The following ATXN7 variants were observed in gnomAD, a reference collection of about 807,000 sequenced individuals.
The protein encoded by ATXN7 is ataxin 7.
Under a neutral mutation model 70.5 loss-of-function variants are expected in ATXN7, and 12 were observed. The observed-to-expected ratio is 0.17, with a 90% CI of 0.11 to 0.28. The LOEUF is 0.28. Among genes scored for constraint, ATXN7 ranks in the 10% least tolerant of loss-of-function variants. The pLI, the probability that ATXN7 is intolerant of heterozygous loss-of-function variation, is 1.00. For missense variants in ATXN7, 1,256 were observed against 1,131.7 expected (o/e 1.11, Z -1.58); for synonymous variants, 498 against 448.7 (o/e 1.11, Z -1.39).
chr3:63,887,161 C>G (rs936980255), intron 1 of ATXN7, among the ~76,000 whole-genome samples: 1 of 152,054 alleles, frequency 6.6e-6, no homozygotes, highest in Non-Finnish European at 1.5e-5. Context: ...GTATTGAGCC[C>G]GTTAGGTGTG....
At chr3:63,939,120 G>A (rs1192866312) in intron 4 of ATXN7, among the ~76,000 whole-genome samples, 2 of 151,932 alleles carry the variant, frequency 1.3e-5, no homozygotes, top group African/African-American at 2.4e-5. Context: ...CTGTCTCAGA[G>A]GCCCTTAGAA....
At position 63,948,086 on chromosome 3, in the gene ATXN7, T is replaced by G. The variant is rs1056605221; in HGVS notation, c.395-4293T>G. ...TTTTAAAGAATCACTCTGGCAGCCT[T>G]GTGGAAAGGTTTGTAGACTACTTAG... On this transcript the variant is annotated intron_variant, in intron 4 of 12. Transcript: ENST00000674280. Among the ~76,000 whole-genome samples, 4 of 152,032 alleles carry G rather than the reference T, an allele frequency of 2.6e-5. No individual in the cohort carries two copies. The East Asian group carries it at 7.7e-4, about 29-fold the overall frequency.
intron 1 of ATXN7, chr3:63,865,494 G>A (rs1702385066): frequency 6.6e-6 from 1 of 152,134 alleles, no homozygotes; most frequent in African/African-American, 2.4e-5. Flanking sequence ...TCTAAGAGAA[G>A]AATTGTTTTA....
chr3:63,872,089 A>G (rs1207519591), intron 1 of ATXN7, among the ~76,000 whole-genome samples: 1 of 152,148 alleles, frequency 6.6e-6, no homozygotes, highest in African/African-American at 2.4e-5. Context: ...CATTGTTTAT[A>G]TGAAATTAGC....
chr3:63,914,870 C>G (rs1023069690), intron 4 of ATXN7, among the ~76,000 whole-genome samples: 3 of 152,134 alleles, frequency 2.0e-5, no homozygotes, highest in East Asian at 3.9e-4. Context: ...AGAACTAAGA[C>G]GTTAAACTAC....
At chr3:63,981,273 T>TG (rs1439658392) in intron 6 of ATXN7, among the ~76,000 whole-genome samples, 1 of 152,204 alleles carries the variant, frequency 6.6e-6, no homozygotes, top group African/African-American at 2.4e-5. Flanking sequence ...GCCCCTGTTC[T>TG]TCTGTCAGAA....
chr3:63,964,833 T>G (rs931055716), intron 5 of ATXN7, among the ~76,000 whole-genome samples: 5 of 152,212 alleles, frequency 3.3e-5, no homozygotes, highest in African/African-American at 1.2e-4. Flanking sequence ...AAATACTTTT[T>G]TCCCCTTTCA....
Position 63,979,706 on chromosome 3 carries a change from A to G in ATXN7, c.500-209A>G, listed in dbSNP as rs193194428. Among the ~76,000 whole-genome samples the G allele has an allele frequency of 3.5e-4, 53 of 152,280 alleles. No homozygotes were observed. The East Asian group carries it at 6.0e-3, about 17-fold the overall frequency. ...GTGATAAAACTCTTTATGCTGAGAT[A>G]CTTCAGAAAGAGAAGGACCCGTTCC... On this transcript the variant is annotated intron_variant, in intron 5 of 12. Transcript: ENST00000674280.
chr3:63,884,789 A>G (rs1407518707), intron 1 of ATXN7, among the ~76,000 whole-genome samples: 1 of 151,782 alleles, frequency 6.6e-6, no homozygotes, highest in African/African-American at 2.4e-5. Context: ...AGCTGGAACT[A>G]CAGGTGTGTG....
intron 4 of ATXN7, among the ~76,000 whole-genome samples, chr3:63,939,841 A>G (rs1207709192): frequency 2.0e-5 from 3 of 152,110 alleles, no homozygotes; most frequent in African/African-American, 4.8e-5. Flanking sequence ...GAACTCCCCC[A>G]AAGCCTTATT....
chr3:63,943,462 C>T (rs918187355), intron 4 of ATXN7, among the ~76,000 whole-genome samples: 11 of 152,126 alleles, frequency 7.2e-5, no homozygotes, highest in Non-Finnish European at 1.3e-4. Flanking sequence ...ACGGCCAGCT[C>T]AGAGACCAAA....
chr3:63,980,636 A>G (rs1188006914), intron 6 of ATXN7: 1 of 170,836 alleles, frequency 5.9e-6, no homozygotes, highest in African/African-American at 2.4e-5. Context: ...AATAACAGCC[A>G]CTATGCTGGG....
intron 5 of ATXN7, among the ~76,000 whole-genome samples, chr3:63,960,450 A>G (rs1233168297): frequency 6.6e-6 from 1 of 152,198 alleles, no homozygotes; most frequent in Non-Finnish European, 1.5e-5. Flanking sequence ...AACACGGGGC[A>G]AATGTGGAAC....
intron 4 of ATXN7, among the ~76,000 whole-genome samples, chr3:63,941,738 CT>C (rs1013417828): frequency 2.0e-5 from 3 of 151,986 alleles, no homozygotes; most frequent in Non-Finnish European, 4.4e-5. Context: ...CATTTGACAT[CT>C]TTTGGTCAAA....
chr3:63,881,817 A>G (rs924780813), intron 1 of ATXN7, among the ~76,000 whole-genome samples: 1 of 151,436 alleles, frequency 6.6e-6, no homozygotes, highest in Non-Finnish European at 1.5e-5. Flanking sequence ...CAGGGCTAAG[A>G]ACTATAAGGT....
At chr3:63,978,573 G>GT (rs1167166679) in intron 5 of ATXN7, among the ~76,000 whole-genome samples, 1 of 152,216 alleles carries the variant, frequency 6.6e-6, no homozygotes, top group African/African-American at 2.4e-5. Flanking sequence ...ATTTATTTTA[G>GT]TTTTTTATTC....
intron 1 of ATXN7, among the ~76,000 whole-genome samples, chr3:63,880,975 C>G (rs937177390): frequency 6.6e-6 from 1 of 152,208 alleles, no homozygotes; most frequent in Non-Finnish European, 1.5e-5. Context: ...AACCCAACCC[C>G]TACTACTCAC....
intron 4 of ATXN7, among the ~76,000 whole-genome samples, chr3:63,940,285 TCACACACACACACACACACACACACA>T (rs34660611): frequency 4.2e-5 from 6 of 141,442 alleles, no homozygotes; most frequent in Non-Finnish European, 7.7e-5. Context: ...CCATGCCCCA[TCACACACACACACACACACACACACA>T]CACACACACA....
chr3:63,999,680 A>T lies in ATXN7; in HGVS notation c.*213A>T. ...AGTACTCATAAAGGACACTGGATCA[A>T]GTTCAGCCACCGAATTGCTTTTATC... is the stretch of plus-strand genomic sequence containing the variant. On this transcript the variant is annotated 3_prime_UTR_variant, in exon 13 of 13. Coordinates refer to ENST00000674280, the MANE Select transcript of ATXN7 (RefSeq NM_001377405.1). 1 of 823,548 alleles carries T rather than the reference A, an allele frequency of 1.2e-6. No individual in the cohort carries two copies. 51.0% of individuals were successfully genotyped at this position (823,548 alleles called of 1,614,324 possible).
Sources: allele counts gnomAD v4.1 joint callset (sites outside exome capture counted in the v4.1 genomes callset), GRCh38; gene constraint gnomAD v4.1.1; transcripts MANE v1.5; gene names NCBI Gene and HGNC (gene_info 2026-07-23, HGNC 2026-07-21).